The following BDP1 variants were observed in gnomAD, a reference collection of about 807,000 sequenced individuals.
BDP1 encodes the protein BDP1 general transcription factor IIIB subunit, also known as transcription factor TFIIIB component B'' homolog.
Under a neutral mutation model 266.6 loss-of-function variants are expected in BDP1, and 169 were observed. The observed-to-expected ratio is 0.63, with a 90% CI of 0.56 to 0.72. BDP1 has a LOEUF of 0.72. Ranked by LOEUF, BDP1 falls within the 30% of genes least tolerant of loss-of-function variation. BDP1 has a pLI of 0.00. For missense variants in BDP1, 3,015 were observed against 3,053.8 expected (o/e 0.99, Z 0.30); for synonymous variants, 1,090 against 1,022.4 (o/e 1.07, Z -1.26).
chr5:71,556,683 G>A (rs918990206), intron 35 of BDP1, among the ~76,000 whole-genome samples: 1 of 152,124 alleles, frequency 6.6e-6, no homozygotes, highest in African/African-American at 2.4e-5. Flanking sequence ...ATAAAAGGCA[G>A]TTAGCAGCTT....
rs1309246689 is a variant in BDP1, at chr5:71,510,629, G to C, written c.3537G>C (p.Glu1179Asp). The change falls in exon 17 of 39, where the codon GAG (glutamate) becomes GAC (aspartate). Residue 1179 changes from glutamate to aspartate, a missense_variant. By Grantham distance (45) the Glu-to-Asp change is conservative. Transcript: ENST00000358731. ...CAGACTTGAAAACAACTGGAAGAGAGGGTTCCTCAAGGGAGAAGACACGAG... is the reference window on the plus strand; with the variant it reads ...CAGACTTGAAAACAACTGGAAGAGACGGTTCCTCAAGGGAGAAGACACGAG... ...METDLKTTGR[E>D]GSSREKTREV... 6.3e-7 allele frequency: 1 copy of C among 1,585,768 alleles called. No individual in the cohort carries two copies. The highest frequency in any genetic ancestry group is 1.1e-5 in the South Asian group (1 of 89,190).
chr5:71,552,795 CAGAGGGAGACCGTGGAAAGAGAGGG>C (rs1036003915), intron 34 of BDP1, among the ~76,000 whole-genome samples: 5 of 152,196 alleles, frequency 3.3e-5, no homozygotes, highest in African/African-American at 1.2e-4. Flanking sequence ...GGCTCGGCAT[CAGAGGGAGACCGTGGAAAGAGAGGG>C]AGAGGGAGAC....
rs770381636 is a variant in BDP1 at position 71,512,229 on chromosome 5, C to T, written c.4060-12C>T. The T allele has an allele frequency of 3.6e-6, 5 of 1,372,496 alleles. No individual in the cohort carries two copies. The East Asian group carries it at 1.0e-4, about 28-fold the overall frequency. 85.0% of individuals were successfully genotyped at this position (1,372,496 alleles called of 1,614,324 possible). A position where few individuals can be genotyped will look rare whatever the true frequency, so the allele number is the denominator to read the frequency against. Reference sequence around the variant, plus strand: ...TTTTATTTGTGCTGATTTACTATGACTGTTCCTCTAGAACATTAGCAGTGA... The same window carrying T: ...TTTTATTTGTGCTGATTTACTATGATTGTTCCTCTAGAACATTAGCAGTGA... On this transcript the variant is annotated splice_polypyrimidine_tract_variant and intron_variant, in intron 17 of 38. Coordinates refer to ENST00000358731, the MANE Select transcript of BDP1 (RefSeq NM_018429.3).
chr5:71,576,032 G>A, the BDP1 span, among the ~76,000 whole-genome samples: 3,567 of 152,246 alleles, frequency 0.023, 70 homozygotes, highest in South Asian at 0.074. Context: ...GAGTCACGAC[G>A]ACATCAACCC....
rs1765197830 is a variant in BDP1, at chr5:71,516,051, C to T, written c.4650-10C>T. The T allele has an allele frequency of 6.3e-7, 1 of 1,587,432 alleles. No individual in the cohort carries two copies. Among genetic ancestry groups the T allele is most frequent in the Non-Finnish European group, 8.6e-7 (1 of 1,165,378 alleles). Reference sequence around the variant, plus strand: ...AAGCGCCCTGCCTTTCTCCCTGTCCCCTTGTTTAGGACTAATAATGTAAAC... The same window carrying T: ...AAGCGCCCTGCCTTTCTCCCTGTCCTCTTGTTTAGGACTAATAATGTAAAC... On this transcript the variant is annotated splice_polypyrimidine_tract_variant and intron_variant, in intron 20 of 38. Transcript: ENST00000358731.
At chr5:71,462,511 T>G (rs918705761) in intron 3 of BDP1, among the ~76,000 whole-genome samples, 4 of 152,126 alleles carry the variant, frequency 2.6e-5, no homozygotes, top group African/African-American at 9.7e-5. Flanking sequence ...CCCAGCACTT[T>G]AGGAGACCAA....
At chr5:71,530,035 C>T (rs929047893) in intron 25 of BDP1, among the ~76,000 whole-genome samples, 4 of 152,178 alleles carry the variant, frequency 2.6e-5, no homozygotes, top group African/African-American at 4.8e-5. Context: ...TTGAATTGTA[C>T]ACCTTAAGTG....
chr5:71,487,406 T>C (rs1763328409), intron 9 of BDP1, among the ~76,000 whole-genome samples: 1 of 152,088 alleles, frequency 6.6e-6, no homozygotes, highest in South Asian at 2.1e-4. Flanking sequence ...CACACCCGGC[T>C]AATTTTTTTT....
intron 4 of BDP1, 74 bp from the exon 5 acceptor site, chr5:71,466,022 T>C: frequency 6.8e-7 from 1 of 1,473,604 alleles, no homozygotes. Flanking sequence ...TTTGTAATCA[T>C]TTATTTTAAG....
chr5:71,555,361 CCTTTT>C (rs1428770125), intron 35 of BDP1, among the ~76,000 whole-genome samples: 2 of 151,480 alleles, frequency 1.3e-5, no homozygotes, highest in African/African-American at 4.8e-5. Flanking sequence ...CCTAAAACTT[CCTTTT>C]CTTTTATGTT....
rs1742217265 is a variant in BDP1 at position 71,545,506 on chromosome 5, A to G, written c.6744+287A>G. ...GTCACCACAGCCAGCTAGGTTTTGT[A>G]TTTTTAGTAGAGACGGGATTCGCCA... is the stretch of plus-strand genomic sequence containing the variant. On this transcript the variant is annotated intron_variant, in intron 32 of 38. Transcript: ENST00000358731. The G allele has an allele frequency of 2.1e-5, 8 of 381,942 alleles. No homozygotes were observed. In the South Asian group the frequency reaches 2.6e-4, roughly 13 times the overall value. 23.7% of individuals were successfully genotyped at this position (381,942 alleles called of 1,614,324 possible).
intron 25 of BDP1, among the ~76,000 whole-genome samples, chr5:71,525,679 G>GC (rs1269638057): frequency 3.8e-5 from 4 of 104,342 alleles, no homozygotes; most frequent in African/African-American, 6.6e-5. Context: ...GGCTGGCCGG[G>GC]CGGGGGGCTG....
intron 1 of BDP1, among the ~76,000 whole-genome samples, chr5:71,458,305 T>G (rs1477507439): frequency 6.6e-6 from 1 of 152,094 alleles, no homozygotes; most frequent in East Asian, 1.9e-4. Flanking sequence ...GTTATTTGTT[T>G]TGAGGGGGGT....
At chr5:71,540,159 T>G (rs1766877583) in intron 28 of BDP1, among the ~76,000 whole-genome samples, 2 of 152,238 alleles carry the variant, frequency 1.3e-5, no homozygotes, top group East Asian at 3.8e-4. Flanking sequence ...TTTAACTTAT[T>G]AGATGGAAAT....
At chr5:71,533,923 G>A (rs1201017604) in intron 26 of BDP1, among the ~76,000 whole-genome samples, 1 of 152,018 alleles carries the variant, frequency 6.6e-6, no homozygotes, top group Non-Finnish European at 1.5e-5. Context: ...TCTTTTGTCT[G>A]TTTTTCTTTT....
rs1407907373 is a variant in BDP1 at position 71,497,287 on chromosome 5, A to C, written c.1817A>C (p.Glu606Ala). 1 of 1,612,870 alleles carries C rather than the reference A, an allele frequency of 6.2e-7. No individual in the cohort carries two copies. Among genetic ancestry groups the C allele is most frequent in the Non-Finnish European group, 8.5e-7 (1 of 1,179,488 alleles). Reference protein sequence around the residue: ...KNNSLEIDQTENVKPMLRGRF... With the variant: ...KNNSLEIDQTANVKPMLRGRF... ...TTTTTCAGGGAAATTGATCAAACAG[A>C]AAATGTTAAACCAATGTTGAGAGGT... Residue 606 changes from glutamate (E) to alanine (A), a missense_variant, in exon 13 of 39, where the codon GAA becomes GCA. By Grantham distance (107) the Glu-to-Ala change is moderately radical. This residue lies in a region of BDP1 where 2,383 missense variants were observed against 2,404.9 expected (regional missense o/e 0.99). Coordinates refer to ENST00000358731, the MANE Select transcript of BDP1 (RefSeq NM_018429.3).
At chr5:71,557,375 A>ATTTTT (rs55810132) in intron 36 of BDP1, among the ~76,000 whole-genome samples, 1,530 of 103,264 alleles carry the variant, frequency 0.015, 216 homozygotes, top group African/African-American at 0.056. Context: ...TGCCAAGCTA[A>ATTTTT]TTTTTTTTTT....
chr5:71,573,074 C>G, the BDP1 span, among the ~76,000 whole-genome samples: 1 of 151,892 alleles, frequency 6.6e-6, no homozygotes, highest in East Asian at 1.9e-4. Flanking sequence ...ACTAAAAATA[C>G]AAAAATTAGC....
chr5:71,556,292 G>A (rs1312865706), intron 35 of BDP1, among the ~76,000 whole-genome samples: 2 of 151,796 alleles, frequency 1.3e-5, no homozygotes, highest in African/African-American at 4.8e-5. Context: ...AATTATAGTG[G>A]CTAATATAAC....
Sources: allele counts gnomAD v4.1 joint callset (sites outside exome capture counted in the v4.1 genomes callset), GRCh38; gene constraint gnomAD v4.1.1; regional missense constraint gnomAD v4.1.1; transcripts MANE v1.5; gene names NCBI Gene and HGNC (gene_info 2026-07-23, HGNC 2026-07-21).